The following CADM2 variants were observed in gnomAD, a reference collection of about 807,000 sequenced individuals.
CADM2 encodes the protein cell adhesion molecule 2, also known as immunoglobulin superfamily member 4D.
CADM2 carries 12 observed loss-of-function variants against 49.8 expected under a neutral mutation model. The observed-to-expected ratio is 0.24, with a 90% CI of 0.15 to 0.39. The LOEUF (loss-of-function observed/expected upper bound fraction) is 0.39, where lower values mean the gene tolerates loss of function less well. Among genes scored for constraint, CADM2 ranks in the 10% least tolerant of loss-of-function variants. The probability of loss-of-function intolerance (pLI) is 1.00; values close to 1 mark genes in which losing one functional copy is unlikely to be tolerated. For synonymous variants in CADM2, 214 were observed against 175.4 expected (o/e 1.22, Z -1.74); for missense variants, 378 against 492.3 (o/e 0.77, Z 2.20).
intron 3 of CADM2, among the ~76,000 whole-genome samples, chr3:85,832,280 G>A (rs2074219337): frequency 6.6e-6 from 1 of 151,856 alleles, no homozygotes; most frequent in Admixed American, 6.6e-5. Context: ...TTTTTGCTTA[G>A]AATTTCTTTG....
intron 1 of CADM2, among the ~76,000 whole-genome samples, chr3:84,982,956 C>T (rs1420992406): frequency 6.7e-6 from 1 of 148,492 alleles, no homozygotes; most frequent in Non-Finnish European, 1.5e-5. Context: ...ACCATGTTAG[C>T]CATGATGGTC....
At chr3:85,288,395 G>A (rs569005045) in intron 1 of CADM2, among the ~76,000 whole-genome samples, 5 of 151,922 alleles carry the variant, frequency 3.3e-5, no homozygotes, top group Non-Finnish European at 5.9e-5. Context: ...ATTTGAAATA[G>A]GTGATTTTTG....
chr3:85,699,957 C>A (rs2066699392), intron 1 of CADM2, among the ~76,000 whole-genome samples: 1 of 152,110 alleles, frequency 6.6e-6, no homozygotes. Context: ...ACTAGAAATA[C>A]CATTTGACCC....
intron 1 of CADM2, among the ~76,000 whole-genome samples, chr3:85,507,822 T>A (rs2107679685): frequency 6.6e-6 from 1 of 152,342 alleles, no homozygotes; most frequent in African/African-American, 2.4e-5. Flanking sequence ...TTCTGGGGGA[T>A]AATTTAACCA....
intron 3 of CADM2, among the ~76,000 whole-genome samples, chr3:85,849,887 T>C (rs1328394605): frequency 2.1e-5 from 3 of 143,058 alleles, no homozygotes; most frequent in Non-Finnish European, 4.7e-5. Flanking sequence ...AAACAGAGTA[T>C]TACCAAGAAA....
chr3:85,318,258 G>C (rs186178840), intron 1 of CADM2, among the ~76,000 whole-genome samples: 3 of 152,028 alleles, frequency 2.0e-5, no homozygotes, highest in Non-Finnish European at 4.4e-5. Flanking sequence ...GATGTAACAG[G>C]GAGAAAAAGT....
At chr3:85,753,508 G>T (rs2068960404) in intron 2 of CADM2, among the ~76,000 whole-genome samples, 1 of 151,698 alleles carries the variant, frequency 6.6e-6, no homozygotes, top group African/African-American at 2.4e-5. Flanking sequence ...AATAGCCAAT[G>T]GGTTAAACAC....
chr3:85,559,585 A>G (rs2062039155), intron 1 of CADM2, among the ~76,000 whole-genome samples: 1 of 152,026 alleles, frequency 6.6e-6, no homozygotes. Flanking sequence ...TTAATGCTCC[A>G]CTTTAAAAAA....
chr3:85,304,035 G>T, intron 1 of CADM2, among the ~76,000 whole-genome samples: 1 of 151,772 alleles, frequency 6.6e-6, no homozygotes, highest in Non-Finnish European at 1.5e-5. Flanking sequence ...ATGGGCTATT[G>T]TATTTCACTT....
chr3:84,989,225 A>C lies in CADM2; in HGVS notation c.61+29557A>C, dbSNP rs181517792. Among the ~76,000 whole-genome samples the C allele has an allele frequency of 6.6e-4, 101 of 152,326 alleles. 1 individual carries two copies. The highest frequency in any genetic ancestry group is 1.8e-3 in the Admixed American group (27 of 15,296). ...GGCAGAAGATTTCTTAAAATCATTT[A>C]TACTTAATAATTCACAACAAAAATT... On this transcript the variant is annotated intron_variant, in intron 1 of 9. Transcript: ENST00000383699.
At chr3:85,151,284 C>G (rs1325155968) in intron 1 of CADM2, among the ~76,000 whole-genome samples, 1 of 152,022 alleles carries the variant, frequency 6.6e-6, no homozygotes, top group Non-Finnish European at 1.5e-5. Flanking sequence ...TACTGAGAAA[C>G]TCTTCCTCTT....
intron 1 of CADM2, among the ~76,000 whole-genome samples, chr3:85,026,886 G>C (rs533713008): frequency 1.6e-4 from 25 of 151,808 alleles, no homozygotes; most frequent in Non-Finnish European, 3.2e-4. Context: ...AAAAATGCTA[G>C]TGTATATACC....
intron 2 of CADM2, among the ~76,000 whole-genome samples, chr3:85,769,336 C>A (rs572609701): frequency 6.3e-4 from 71 of 112,144 alleles, no homozygotes; most frequent in African/African-American, 2.8e-3. Flanking sequence ...TATATATACA[C>A]GTATATACAT....
intron 1 of CADM2, chr3:85,511,960 T>G: frequency 1.3e-6 from 1 of 785,724 alleles, no homozygotes; most frequent in Non-Finnish European, 1.5e-6. Context: ...TAAATATATA[T>G]GTGGTTTTGA....
At chr3:85,398,069 A>G (rs1331753877) in intron 1 of CADM2, among the ~76,000 whole-genome samples, 2 of 151,884 alleles carry the variant, frequency 1.3e-5, no homozygotes, top group Non-Finnish European at 2.9e-5. Flanking sequence ...GGTTAGTTAC[A>G]TATGTATACA....
chr3:85,121,680 T>A (rs2038869415), intron 1 of CADM2, among the ~76,000 whole-genome samples: 1 of 152,148 alleles, frequency 6.6e-6, no homozygotes, highest in Non-Finnish European at 1.5e-5. Context: ...TAATATTACC[T>A]ATCTTCATTC....
intron 8 of CADM2, among the ~76,000 whole-genome samples, chr3:86,036,578 G>A (rs779779591): frequency 6.6e-6 from 1 of 152,022 alleles, no homozygotes; most frequent in Admixed American, 6.6e-5. Context: ...AGGACCTCCA[G>A]GACTCCAAAT....
intron 8 of CADM2, among the ~76,000 whole-genome samples, chr3:86,028,443 C>A (rs1165373128): frequency 1.3e-5 from 2 of 151,866 alleles, no homozygotes; most frequent in Non-Finnish European, 2.9e-5. Context: ...TTTAACATAC[C>A]AAGAACCATA....
chr3:85,877,439 G>A (rs1577541611), intron 3 of CADM2, among the ~76,000 whole-genome samples: 1 of 151,970 alleles, frequency 6.6e-6, no homozygotes. Context: ...TCTTTATTTA[G>A]GTTCACTGTA....
Sources: gnomAD v4.1 joint callset for allele counts (sites outside exome capture counted in the v4.1 genomes callset) on GRCh38, gnomAD v4.1.1 for gene constraint, MANE v1.5 for transcripts, NCBI Gene and HGNC (gene_info 2026-07-23, HGNC 2026-07-21) for gene names.